Variants in PBX3 observed in about 807,000 individuals in gnomAD.
PBX3 encodes the protein pre-B-cell leukemia transcription factor 3.
In PBX3, 14 loss-of-function variants were observed where a neutral mutation model predicts 48.5. The observed-to-expected ratio is 0.29, with a 90% confidence interval of 0.19 to 0.45. The LOEUF (loss-of-function observed/expected upper bound fraction) is 0.45, where lower values mean the gene tolerates loss of function less well. PBX3 is among the 20% of genes least tolerant of loss of function. The pLI, the probability that PBX3 is intolerant of heterozygous loss-of-function variation, is 1.00. For missense variants in PBX3, 386 were observed against 546.7 expected (o/e 0.71, Z 2.93); for synonymous variants, 210 against 200.3 (o/e 1.05, Z -0.41).
At chr9:125,936,102 C>T (rs943856463) in intron 5 of PBX3, among the ~76,000 whole-genome samples, 11 of 152,150 alleles carry the variant, frequency 7.2e-5, no homozygotes, top group African/African-American at 2.7e-4. Context: ...CCTTATTATC[C>T]ATTAAACACA....
chr9:125,955,370 G>A (rs940304966), intron 5 of PBX3, among the ~76,000 whole-genome samples: 3 of 152,082 alleles, frequency 2.0e-5, no homozygotes, highest in Non-Finnish European at 2.9e-5. Context: ...CTCACTGCCC[G>A]CTCCTTCCCC....
chr9:125,783,834 A>T lies in PBX3; in HGVS notation c.274+35211A>T, dbSNP rs146010856. Among the ~76,000 whole-genome samples the T allele has an allele frequency of 7.8e-4, 119 of 152,024 alleles. 1 individual carries two copies. Among genetic ancestry groups the T allele is most frequent in the African/African-American group, 2.7e-3 (111 of 41,516 alleles). ...GCCAACATGATAAAACCCCTTCTCTAATAAAAATACAAGAAAATTAGCTGG... is the reference window on the plus strand; with the variant it reads ...GCCAACATGATAAAACCCCTTCTCTTATAAAAATACAAGAAAATTAGCTGG... On this transcript the variant is annotated intron_variant, in intron 2 of 8. Coordinates refer to ENST00000373489, the MANE Select transcript of PBX3 (RefSeq NM_006195.6).
In PBX3 at chr9:125,793,885, G is replaced by A. The variant is rs1837696626; in HGVS notation, c.274+45262G>A. Among the ~76,000 whole-genome samples the A allele has an allele frequency of 2.6e-5, 4 of 152,048 alleles. No individual in the cohort carries two copies. The South Asian group carries it at 8.3e-4, about 32-fold the overall frequency. ...TATAAAATAAAGCTATTATTGTAGG[G>A]AATTTAGTGAGCGATTGTATTTTAA... is the stretch of plus-strand genomic sequence containing the variant. On this transcript the variant is annotated intron_variant, in intron 2 of 8. Coordinates refer to ENST00000373489, the MANE Select transcript of PBX3 (RefSeq NM_006195.6).
At chr9:125,946,150 C>G (rs1025001556) in intron 5 of PBX3, among the ~76,000 whole-genome samples, 1 of 152,162 alleles carries the variant, frequency 6.6e-6, no homozygotes, top group Non-Finnish European at 1.5e-5. Context: ...CAGAAATAGA[C>G]CCTAATGGAA....
intron 4 of PBX3, among the ~76,000 whole-genome samples, chr9:125,935,182 G>A (rs1170279250): frequency 6.6e-6 from 1 of 152,084 alleles, no homozygotes. Context: ...GACCTTGTTT[G>A]TTCTCACTGG....
At chr9:125,804,704 C>T (rs746810766) in intron 2 of PBX3, among the ~76,000 whole-genome samples, 4 of 151,904 alleles carry the variant, frequency 2.6e-5, no homozygotes, top group Admixed American at 6.6e-5. Flanking sequence ...TTTGAGAGGC[C>T]GAGGCAGGTG....
At chr9:125,787,875 C>A (rs541538947) in intron 2 of PBX3, among the ~76,000 whole-genome samples, 1 of 152,232 alleles carries the variant, frequency 6.6e-6, no homozygotes, top group South Asian at 2.1e-4. Context: ...TGATAAAGTT[C>A]AGGATGTGGC....
intron 2 of PBX3, among the ~76,000 whole-genome samples, chr9:125,767,268 G>C (rs370912920): frequency 6.6e-6 from 1 of 152,160 alleles, no homozygotes; most frequent in East Asian, 1.9e-4. Context: ...AGGCTGATAT[G>C]TATGTCTAAA....
At chr9:125,883,351 C>G (rs959963704) in intron 2 of PBX3, among the ~76,000 whole-genome samples, 2 of 152,172 alleles carry the variant, frequency 1.3e-5, no homozygotes, top group African/African-American at 4.8e-5. Context: ...TGTGAAAATA[C>G]CAGATACTGT....
chr9:125,926,388 C>T (rs1010298507), intron 3 of PBX3, among the ~76,000 whole-genome samples: 1 of 151,926 alleles, frequency 6.6e-6, no homozygotes, highest in East Asian at 1.9e-4. Context: ...GGCGCAGTGG[C>T]ATATGCCTGT....
intron 3 of PBX3, among the ~76,000 whole-genome samples, chr9:125,926,074 A>G (rs1029952248): frequency 3.9e-5 from 6 of 152,250 alleles, no homozygotes; most frequent in Admixed American, 1.3e-4. Flanking sequence ...TCTTTGTTTT[A>G]CTGATGAGAA....
intron 2 of PBX3, among the ~76,000 whole-genome samples, chr9:125,904,023 T>C (rs1044571546): frequency 7.2e-5 from 11 of 151,802 alleles, no homozygotes; most frequent in African/African-American, 2.7e-4. Flanking sequence ...GTACTTTGAG[T>C]AGTGCCTAGC....
At position 125,915,921 on chromosome 9, in the gene PBX3, T is replaced by C; in HGVS notation, c.510T>C (p.Tyr170=). The C allele has an allele frequency of 2.5e-6, 4 of 1,613,046 alleles. No homozygotes were observed. The highest frequency in any genetic ancestry group is 3.4e-6 in the Non-Finnish European group (4 of 1,179,722). The change falls in exon 3 of 9, where the codon TAT becomes TAC. Residue 170 remains tyrosine (Y), a synonymous_variant. Transcript: ENST00000373489. Reference sequence around the variant, plus strand: ...TCTATCACACAGAACTGGAGAAATATGAACAGGTCAGCAGCCGCCACTCTC... The same window carrying C: ...TCTATCACACAGAACTGGAGAAATACGAACAGGTCAGCAGCCGCCACTCTC... ...RQIYHTELEK[Y]EQACNEFTTH...
chr9:125,953,476 CAA>C (rs35262454), intron 5 of PBX3, among the ~76,000 whole-genome samples: 2 of 144,832 alleles, frequency 1.4e-5, no homozygotes, highest in African/African-American at 2.6e-5. Flanking sequence ...GACCCTGTCT[CAA>C]AAAAAAAAAA....
At chr9:125,874,600 A>T (rs1439638110) in intron 2 of PBX3, among the ~76,000 whole-genome samples, 4 of 152,172 alleles carry the variant, frequency 2.6e-5, no homozygotes, top group African/African-American at 9.7e-5. Context: ...TCTACCCAAT[A>T]AGAGCAGAAT....
At chr9:125,965,444 C>T (rs536389634) in intron 8 of PBX3, among the ~76,000 whole-genome samples, 7 of 152,198 alleles carry the variant, frequency 4.6e-5, no homozygotes, top group Non-Finnish European at 5.9e-5. Context: ...ATGATTAAGC[C>T]GGGGTGAAGT....
intron 2 of PBX3, among the ~76,000 whole-genome samples, chr9:125,854,306 G>GT (rs566750984): frequency 4.7e-4 from 70 of 149,998 alleles, no homozygotes; most frequent in South Asian, 3.6e-3. Flanking sequence ...TGATTTTTGT[G>GT]TTTTTTTTTG....
chr9:125,801,294 G>A lies in PBX3; in HGVS notation c.274+52671G>A, dbSNP rs566160385. On this transcript the variant is annotated intron_variant, in intron 2 of 8. Transcript: ENST00000373489. ...TGCCGGGCTTCAGGCTGCCGAATTA[G>A]GCTGCCTTGTCTTCAGCAAAATTCC... Among the ~76,000 whole-genome samples, 5 of 152,230 alleles carry A rather than the reference G, an allele frequency of 3.3e-5. No homozygotes were observed. In the South Asian group the frequency reaches 1.0e-3, roughly 32 times the overall value.
At chr9:125,753,054 A>T (rs62567189) in intron 2 of PBX3, among the ~76,000 whole-genome samples, 3,808 of 152,252 alleles carry the variant, frequency 0.025, 62 homozygotes, top group Middle Eastern at 0.048. Context: ...AGCAATTAGC[A>T]ATACTTGGCC....
Sources: allele counts gnomAD v4.1 joint callset (sites outside exome capture counted in the v4.1 genomes callset), GRCh38; gene constraint gnomAD v4.1.1; transcripts MANE v1.5; gene names NCBI Gene and HGNC (gene_info 2026-07-23, HGNC 2026-07-21).